The following ARHGEF3 variants were observed in gnomAD, a reference collection of about 807,000 sequenced individuals.
ARHGEF3 encodes Rho guanine nucleotide exchange factor 3.
A neutral mutation model predicts 63.2 loss-of-function variants in ARHGEF3; 28 were observed. That is an observed-to-expected ratio of 0.44 (90% confidence interval 0.33 to 0.61). The LOEUF is 0.61. Ranked by LOEUF, ARHGEF3 falls within the 20% of genes least tolerant of loss-of-function variation. The pLI is 0.03. For synonymous variants in ARHGEF3, 266 were observed against 254.2 expected, an observed-to-expected ratio of 1.05 and a Z score of -0.44; for missense variants, 533 against 659.3, an observed-to-expected ratio of 0.81 and a Z score of 2.10.
chr3:56,937,878 G>A (rs1560065937), intron 3 of ARHGEF3, among the ~76,000 whole-genome samples: 1 of 152,120 alleles, frequency 6.6e-6, no homozygotes. Flanking sequence ...TAAATTAAAT[G>A]GACTTCCCTG....
intron 2 of ARHGEF3, among the ~76,000 whole-genome samples, chr3:56,972,309 G>A (rs1395608613): frequency 6.6e-6 from 1 of 152,032 alleles, no homozygotes; most frequent in Non-Finnish European, 1.5e-5. Context: ...ACCTCCTAGG[G>A]TTGCTTTGAG....
rs556656938 is a variant in ARHGEF3, at chr3:56,903,589, C to G, written c.130-21235G>C. ...CTTCTTTAACAGACACCACCCATAC[C>G]CTACTATGCACTTGGATATGCAAAG... On this transcript the variant is annotated intron_variant, in intron 3 of 12. Coordinates refer to the ARHGEF3 transcript ENST00000338458. 2.0e-5 allele frequency among the ~76,000 whole-genome samples: 3 copies of G among 152,328 alleles called. No homozygotes were observed. In the East Asian group the frequency reaches 5.8e-4, roughly 29 times the overall value.
At chr3:56,940,682 G>C (rs1699134230) in intron 3 of ARHGEF3, 1 of 150,826 alleles carries the variant, frequency 6.6e-6, no homozygotes, top group Non-Finnish European at 1.5e-5. Context: ...CCTTTATGAG[G>C]GGGCAGCTCA....
rs564175600 is a variant in ARHGEF3, at chr3:56,937,548, G to A, written c.129+21275C>T. On this transcript the variant is annotated intron_variant, in intron 3 of 12. Transcript: ENST00000338458. ...TCATAATAAAAAGTTGAAAAATAGCGCACAATAAATAAGAATCATGGAAAC... is the reference window on the plus strand; with the variant it reads ...TCATAATAAAAAGTTGAAAAATAGCACACAATAAATAAGAATCATGGAAAC... Among the ~76,000 whole-genome samples, 114 of 152,218 alleles carry A rather than the reference G, an allele frequency of 7.5e-4. 1 individual carries two copies. In the South Asian group the frequency reaches 0.016, roughly 21 times the overall value.
At chr3:56,893,231 G>A (rs1340333522) in intron 3 of ARHGEF3, among the ~76,000 whole-genome samples, 1 of 152,092 alleles carries the variant, frequency 6.6e-6, no homozygotes, top group African/African-American at 2.4e-5. Context: ...AGGCTGAAGT[G>A]CAATGACATG....
intron 1 of ARHGEF3, among the ~76,000 whole-genome samples, chr3:57,077,487 T>G (rs1162417224): frequency 6.6e-6 from 1 of 152,140 alleles, no homozygotes; most frequent in African/African-American, 2.4e-5. Flanking sequence ...AGAGCTCTTA[T>G]CTGTGGAGAT....
At chr3:57,015,432 G>A (rs546836813) in intron 2 of ARHGEF3, among the ~76,000 whole-genome samples, 134 of 152,032 alleles carry the variant, frequency 8.8e-4, no homozygotes, top group Non-Finnish European at 1.4e-3. Flanking sequence ...TGTAAAATTC[G>A]GAAAGGGATA....
intron 2 of ARHGEF3, among the ~76,000 whole-genome samples, chr3:57,013,733 T>C (rs997837438): frequency 1.3e-5 from 2 of 152,184 alleles, no homozygotes; most frequent in Admixed American, 1.3e-4. Flanking sequence ...AGCTAAAAGA[T>C]TGTAAATGCA....
At chr3:56,965,645 CTTTTTTTTTTTTT>C (rs759458048) in intron 2 of ARHGEF3, among the ~76,000 whole-genome samples, 7 of 133,370 alleles carry the variant, frequency 5.2e-5, no homozygotes, top group African/African-American at 2.0e-4. Context: ...AAACTACATT[CTTTTTTTTTTTTT>C]TTTTTTTTGA....
At chr3:57,058,666 T>A (rs1705048063) in intron 1 of ARHGEF3, among the ~76,000 whole-genome samples, 1 of 152,108 alleles carries the variant, frequency 6.6e-6, no homozygotes, top group Non-Finnish European at 1.5e-5. Flanking sequence ...GGATTATAAA[T>A]CATGCTGCTA....
chr3:56,968,070 A>AATAT (rs1560093475), intron 2 of ARHGEF3, among the ~76,000 whole-genome samples: 4,919 of 57,756 alleles, frequency 0.085, 261 homozygotes, highest in East Asian at 0.17. Flanking sequence ...TAATATATAT[A>AATAT]ATATATTATA....
At position 56,729,274 on chromosome 3, in the gene ARHGEF3, A is replaced by G; in HGVS notation, c.1577T>C (p.Val526Ala). The G allele has an allele frequency of 6.2e-7, 1 of 1,609,978 alleles. No homozygotes were observed. Among genetic ancestry groups the G allele is most frequent in the South Asian group, 1.1e-5 (1 of 90,402 alleles). Reference sequence around the variant, plus strand: ...CCCGAAGTGCACATGCTTCTGTCAGACGTTACTTTCACCGTGCCTGCTGTT... The same window carrying G: ...CCCGAAGTGCACATGCTTCTGTCAGGCGTTACTTTCACCGTGCCTGCTGTT... ...CGNSRHGESN[V>A] Residue 526 changes from valine (V) to alanine (A), a missense_variant, in exon 10 of 10, where the codon GTC becomes GCC. Around this residue, in one of 4 missense-constraint regions of ARHGEF3, gnomAD observed 115 missense variants for 103.4 expected, o/e 1.11. Transcript: ENST00000296315.
chr3:56,839,000 G>A lies in ARHGEF3; in HGVS notation c.192+43292C>T, dbSNP rs1479135056. ...TAAAAAAAATAAAAATTTACTGGGC[G>A]TGGTGGTACACACCTGTAGTCCCAG... On this transcript the variant is annotated intron_variant, in intron 4 of 12. Transcript: ENST00000338458. 4.6e-5 allele frequency among the ~76,000 whole-genome samples: 7 copies of A among 152,168 alleles called. No homozygotes were observed. In the East Asian group the frequency reaches 7.7e-4, roughly 17 times the overall value.
intron 4 of ARHGEF3, among the ~76,000 whole-genome samples, chr3:56,808,548 C>G (rs750335492): frequency 5.3e-5 from 8 of 152,100 alleles, no homozygotes; most frequent in Non-Finnish European, 1.2e-4. Flanking sequence ...CATAATCATG[C>G]CAGTGCACTC....
intron 3 of ARHGEF3, among the ~76,000 whole-genome samples, chr3:56,945,821 G>C (rs1699461527): frequency 6.6e-6 from 1 of 152,214 alleles, no homozygotes; most frequent in Admixed American, 6.5e-5. Context: ...AGAATGGACA[G>C]ACTGCCTCCT....
At chr3:57,025,460 T>C (rs1435924420) in intron 2 of ARHGEF3, among the ~76,000 whole-genome samples, 1 of 152,194 alleles carries the variant, frequency 6.6e-6, no homozygotes, top group East Asian at 1.9e-4. Flanking sequence ...GTTGCTGAAG[T>C]TGGCACACAC....
At chr3:56,823,241 A>C (rs1471626497) in intron 4 of ARHGEF3, among the ~76,000 whole-genome samples, 2 of 152,210 alleles carry the variant, frequency 1.3e-5, no homozygotes, top group Non-Finnish European at 1.5e-5. Context: ...AAGAGGGAAA[A>C]AAAGACAACA....
At chr3:56,884,753 C>T (rs778791308) in intron 3 of ARHGEF3, among the ~76,000 whole-genome samples, 27 of 152,352 alleles carry the variant, frequency 1.8e-4, no homozygotes, top group Non-Finnish European at 3.2e-4. Context: ...GGCCCTGATC[C>T]TTACTGATTC....
intron 2 of ARHGEF3, among the ~76,000 whole-genome samples, chr3:56,756,056 G>A (rs1218769220): frequency 1.3e-5 from 2 of 152,176 alleles, no homozygotes; most frequent in Admixed American, 6.5e-5. Flanking sequence ...CATCTTTGCA[G>A]CACATGATTC....
Sources: gnomAD v4.1 joint callset for allele counts (sites outside exome capture counted in the v4.1 genomes callset) on GRCh38, gnomAD v4.1.1 for gene constraint, gnomAD v4.1.1 regional missense constraint, MANE v1.5 for transcripts, NCBI Gene and HGNC (gene_info 2026-07-23, HGNC 2026-07-21) for gene names.